The following CNDP2 variants were observed in gnomAD, a reference collection of about 807,000 sequenced individuals.
The protein encoded by CNDP2 is cytosolic non-specific dipeptidase.
Under a neutral mutation model 55.0 loss-of-function variants are expected in CNDP2, and 38 were observed. The ratio of observed to expected loss-of-function variants is 0.69; its 90% confidence interval spans 0.53 to 0.90. CNDP2 has a LOEUF of 0.90. Ranked by LOEUF, CNDP2 falls within the 40% of genes least tolerant of loss-of-function variation. The probability of loss-of-function intolerance (pLI) is 0.00; values close to 1 mark genes in which losing one functional copy is unlikely to be tolerated. For missense variants in CNDP2, 607 were observed against 621.7 expected (o/e 0.98, Z 0.25); for synonymous variants, 241 against 260.2 (o/e 0.93, Z 0.71).
At chr18:74,508,984 A>AAGAC in intron 5 of CNDP2, 56 bp downstream of exon 5, 1 of 1,410,752 alleles carries the variant, frequency 7.1e-7, no homozygotes, top group Non-Finnish European at 1.0e-6. Flanking sequence ...GAGCCATACA[A>AAGAC]AGACAGGCTC....
At chr18:74,518,115 G>T (rs144770032) in intron 9 of CNDP2, 1,892 of 159,402 alleles carry the variant, frequency 0.012, 36 homozygotes, top group African/African-American at 0.04. Context: ...ACAAAAATTA[G>T]CCGGGTGTGG....
At chr18:74,504,328 C>T in intron 3 of CNDP2, among the ~76,000 whole-genome samples, 1 of 151,952 alleles carries the variant, frequency 6.6e-6, no homozygotes, top group South Asian at 2.1e-4. Context: ...GGCGTCAGGC[C>T]ATACACTGCA....
At chr18:74,519,832 C>T (rs1168428399) in intron 11 of CNDP2, among the ~76,000 whole-genome samples, 167 bp from the exon 12 acceptor site, 6 of 152,188 alleles carry the variant, frequency 3.9e-5, no homozygotes, top group African/African-American at 4.8e-5. Context: ...ACTTGAGAAC[C>T]GGGGTGCTGA....
At chr18:74,509,172 T>G (rs1407516536) in intron 5 of CNDP2, 3 of 489,846 alleles carry the variant, frequency 6.1e-6, no homozygotes, top group Non-Finnish European at 1.1e-5. Context: ...CGACTCAGCG[T>G]GATTTTTGCC....
At chr18:74,518,683 G>T (rs17089363) in intron 10 of CNDP2, 43 bp downstream of exon 10, 3 of 1,612,136 alleles carry the variant, frequency 1.9e-6, no homozygotes, top group Non-Finnish European at 2.5e-6. Context: ...AGGGCCCTTC[G>T]CACGTCTGAC....
Position 74,513,675 on chromosome 18 carries a change from T to A in CNDP2, c.859T>A (p.Phe287Ile), listed in dbSNP as rs199885286. 6.8e-6 allele frequency: 11 copies of A among 1,613,542 alleles called. No individual in the cohort carries two copies. Among genetic ancestry groups the A allele is most frequent in the Non-Finnish European group, 8.5e-6 (10 of 1,179,864 alleles). Residue 287 changes from phenylalanine to isoleucine, a missense_variant, in exon 8 of 12, where the codon TTT becomes ATT. By Grantham distance (21) the Phe-to-Ile change is conservative. Transcript: ENST00000324262. Reference sequence around the variant, plus strand: ...CGACATCGACTTTGACATAGAGGAGTTTGCCAAGGATGTGGGGGCGCAGAT... The same window carrying A: ...CGACATCGACTTTGACATAGAGGAGATTGCCAAGGATGTGGGGGCGCAGAT... Reference protein sequence around the residue: ...YDDIDFDIEEFAKDVGAQILL... With the variant: ...YDDIDFDIEEIAKDVGAQILL...
intron 4 of CNDP2, among the ~76,000 whole-genome samples, chr18:74,506,388 A>G (rs1455275371): frequency 2.6e-5 from 4 of 152,000 alleles, no homozygotes; most frequent in Non-Finnish European, 4.4e-5. Context: ...CCCCCACCTC[A>G]GCCTCCCAAA....
chr18:74,509,673 G>A (rs1979231878), intron 5 of CNDP2: 1 of 150,242 alleles, frequency 6.7e-6, no homozygotes, highest in Non-Finnish European at 1.5e-5. Flanking sequence ...TGAAATATCT[G>A]TTCGTTGTTC....
intron 2 of CNDP2, 35 bp downstream of exon 2, chr18:74,500,068 C>T (rs1305990894): frequency 1.3e-6 from 2 of 1,567,552 alleles, no homozygotes; most frequent in African/African-American, 2.7e-5. Flanking sequence ...ACAGTAAAAT[C>T]TGATTTAATC....
At chr18:74,513,320 A>G (rs1412056669) in intron 7 of CNDP2, among the ~76,000 whole-genome samples, 1 of 152,112 alleles carries the variant, frequency 6.6e-6, no homozygotes, top group Non-Finnish European at 1.5e-5. Context: ...GGCTGATTAC[A>G]TCACTGGCTG....
At chr18:74,500,744 C>T (rs1450938594) in intron 2 of CNDP2, among the ~76,000 whole-genome samples, 2 of 152,354 alleles carry the variant, frequency 1.3e-5, no homozygotes, top group South Asian at 2.1e-4. Context: ...CTGGGAGCAT[C>T]GGCAAGCTAC....
intron 3 of CNDP2, among the ~76,000 whole-genome samples, chr18:74,503,967 G>A (rs1404425156): frequency 6.6e-6 from 1 of 151,278 alleles, no homozygotes; most frequent in African/African-American, 2.4e-5. Flanking sequence ...TGCACACGCA[G>A]CCACACTGCC....
At position 74,508,634 on chromosome 18, in the gene CNDP2, C is replaced by T. The variant is rs143071041; in HGVS notation, c.368-206C>T. On this transcript the variant is annotated intron_variant, in intron 4 of 11. Transcript: ENST00000324262. ...GGGAGAAGGAAGGGGTTCTTGGGAG[C>T]ATCCACGTGGCTTATCTCTTTGATG... 9.6e-4 allele frequency: 518 copies of T among 537,054 alleles called. 3 individuals carry two copies. Among genetic ancestry groups the T allele is most frequent in the African/African-American group, 7.9e-3 (420 of 52,980 alleles). The allele number at this position is 537,054 out of a possible 1,614,324, so 33.3% of individuals were successfully genotyped here.
chr18:74,501,618 G>A, intron 3 of CNDP2, 146 bp downstream of exon 3: 2 of 1,056,656 alleles, frequency 1.9e-6, no homozygotes, highest in Non-Finnish European at 1.3e-6. Context: ...GATTTGGATG[G>A]TAAGTTCTGT....
At chr18:74,518,423 G>T in intron 9 of CNDP2, 76 bp from the exon 10 acceptor site, 2 of 1,566,748 alleles carry the variant, frequency 1.3e-6, no homozygotes, top group Non-Finnish European at 8.8e-7. Flanking sequence ...CATGATAGCA[G>T]ACCCGTAGGT....
chr18:74,517,364 C>G (rs1453580077), intron 9 of CNDP2: 1 of 152,158 alleles, frequency 6.6e-6, no homozygotes, highest in African/African-American at 2.4e-5. Flanking sequence ...TCTGAGAGAG[C>G]GGCTCAGCCC....
At position 74,520,332 on chromosome 18, in the gene CNDP2, C is replaced by T. The variant is rs906701092; in HGVS notation, c.*264C>T. 2.3e-6 allele frequency: 1 copy of T among 443,218 alleles called. No individual in the cohort carries two copies. Among genetic ancestry groups the T allele is most frequent in the Non-Finnish European group, 4.1e-6 (1 of 241,180 alleles). The allele number at this position is 443,218 out of a possible 1,614,324, so 27.5% of individuals were successfully genotyped here. ...GATGGCTTGACCTGCAGAAGATACC[C>T]AAGGTCCAAAAGCACAAGGTCTGCG... On this transcript the variant is annotated 3_prime_UTR_variant, in exon 12 of 12. Coordinates refer to ENST00000324262, the MANE Select transcript of CNDP2 (RefSeq NM_018235.3).
chr18:74,519,566 A>C (rs1456068465), intron 11 of CNDP2, among the ~76,000 whole-genome samples: 1 of 152,134 alleles, frequency 6.6e-6, no homozygotes, highest in Non-Finnish European at 1.5e-5. Flanking sequence ...GGCCCCTAAA[A>C]TTGCTGAGGA....
In CNDP2 at chr18:74,500,039, G is replaced by A; in HGVS notation, c.60+6G>A. 1 of 1,611,902 alleles carries A rather than the reference G, an allele frequency of 6.2e-7. No individual in the cohort carries two copies. The highest frequency in any genetic ancestry group is 2.2e-5 in the East Asian group (1 of 44,870). On this transcript the variant is annotated splice_donor_region_variant and intron_variant, in intron 2 of 11. Coordinates refer to ENST00000324262, the MANE Select transcript of CNDP2 (RefSeq NM_018235.3). The stretch of plus-strand genomic sequence containing the variant: ...ATCAGGATCGCTACATTAAGGTAAG[G>A]GAATATTCATTTTAGGAAACAGTAA...
Sources: gnomAD v4.1 joint callset for allele counts (sites outside exome capture counted in the v4.1 genomes callset) on GRCh38, gnomAD v4.1.1 for gene constraint, MANE v1.5 for transcripts, NCBI Gene and HGNC (gene_info 2026-07-23, HGNC 2026-07-21) for gene names.